The following CEP43 variants were observed in gnomAD, a reference collection of about 807,000 sequenced individuals.
The protein encoded by CEP43 is FGFR1 oncogene partner.
In CEP43, 36 loss-of-function variants were observed where a neutral mutation model predicts 52.6. The ratio of observed to expected loss-of-function variants is 0.68; its 90% confidence interval spans 0.52 to 0.90. CEP43 has a LOEUF of 0.90. Among genes scored for constraint, CEP43 ranks in the 40% least tolerant of loss-of-function variants. The pLI, the probability that CEP43 is intolerant of heterozygous loss-of-function variation, is 0.00. For missense variants in CEP43, 506 were observed against 472.8 expected (o/e 1.07, Z -0.65); for synonymous variants, 192 against 172.4 (o/e 1.11, Z -0.89).
At position 167,003,207 on chromosome 6, in the gene CEP43, A is replaced by G. The variant is rs1779777481; in HGVS notation, c.171A>G (p.Leu57=). ...EQEKVENKTP[L]VNESLKKFLN... The stretch of plus-strand genomic sequence containing the variant: ...TTTTTTAACAGAACAAAACTCCTTT[A>G]GTTAATGAGAGCCTGAAAAAGTTTT... The change falls in exon 3 of 13, where the codon TTA becomes TTG. Residue 57 remains leucine (L), a synonymous_variant. Transcript: ENST00000366847. 2 of 1,470,560 alleles carry G rather than the reference A, an allele frequency of 1.4e-6. No homozygotes were observed. Among genetic ancestry groups the G allele is most frequent in the Admixed American group, 4.1e-5 (2 of 48,260 alleles). 91.1% of individuals were successfully genotyped at this position (1,470,560 alleles called of 1,614,324 possible). A position where few individuals can be genotyped will look rare whatever the true frequency, so the allele number is the denominator to read the frequency against.
Position 167,024,981 on chromosome 6 carries a change from A to G in CEP43, c.919+87A>G, listed in dbSNP as rs1050460937. 5.3e-6 allele frequency: 4 copies of G among 760,862 alleles called. No individual in the cohort carries two copies. The African/African-American group carries it at 7.1e-5, about 13-fold the overall frequency. The allele number at this position is 760,862 out of a possible 1,614,324, so 47.1% of individuals were successfully genotyped here. ...GTGATTATTGTTGATTTTTTTTCCC[A>G]GGAAAATCACTAAAATAACCTATCA... is the stretch of plus-strand genomic sequence containing the variant. On this transcript the variant is annotated intron_variant, in intron 9 of 12. Coordinates refer to ENST00000366847, the MANE Select transcript of CEP43 (RefSeq NM_007045.4).
In CEP43 at chr6:167,040,511, G is replaced by A; in HGVS notation, c.*533G>A. 1 of 1,121,154 alleles carries A rather than the reference G, an allele frequency of 8.9e-7. No individual in the cohort carries two copies. Among genetic ancestry groups the A allele is most frequent in the Non-Finnish European group, 1.1e-6 (1 of 912,684 alleles). The allele number at this position is 1,121,154 out of a possible 1,614,324, so 69.5% of individuals were successfully genotyped here. A position where few individuals can be genotyped will look rare whatever the true frequency, so the allele number is the denominator to read the frequency against. ...AAATTTGATGTGTCAACTTTATTTT[G>A]TATTTCCTTCCATTTGGAAGGTTTG... is the stretch of plus-strand genomic sequence containing the variant. On this transcript the variant is annotated 3_prime_UTR_variant, in exon 13 of 13. Transcript: ENST00000366847.
At chr6:167,037,258 G>T (rs1298180270) in intron 12 of CEP43, among the ~76,000 whole-genome samples, 1 of 152,170 alleles carries the variant, frequency 6.6e-6, no homozygotes, top group African/African-American at 2.4e-5. Flanking sequence ...CTAAATTAAT[G>T]ATCTCCAATA....
rs1310400063 is a variant in CEP43, at chr6:167,004,400, A to G, written c.437A>G (p.Glu146Gly). ...QQKEKGPTTGEGALDLSDVHS... is the reference protein window; with the variant it reads ...QQKEKGPTTGGGALDLSDVHS... ...AAAGAAAAAGGGCCAACCACTGGGG[A>G]AGTAAGTAGAATTCTGTGTTATCTT... Residue 146 changes from glutamate to glycine, a missense_variant and splice_region_variant, in exon 5 of 13, where the codon GAA (glutamate) becomes GGA (glycine). Physicochemically the swap from Glu to Gly is moderately conservative, Grantham distance 98. Coordinates refer to ENST00000366847, the MANE Select transcript of CEP43 (RefSeq NM_007045.4). The G allele has an allele frequency of 1.7e-5, 27 of 1,585,528 alleles. No homozygotes were observed. The highest frequency in any genetic ancestry group is 2.2e-5 in the Non-Finnish European group (26 of 1,169,062).
rs926493339 is a variant in CEP43, at chr6:167,041,911, C to T, written c.*1933C>T. 3 of 645,202 alleles carry T rather than the reference C, an allele frequency of 4.6e-6. No individual in the cohort carries two copies. In the African/African-American group the frequency reaches 5.9e-5, roughly 13 times the overall value. 40.0% of individuals were successfully genotyped at this position (645,202 alleles called of 1,614,324 possible). ...CGATCTCGGCTCACTGCAACCTCCG[C>T]CTCCTGGGTTCAAGCGATTCTCCTG... On this transcript the variant is annotated 3_prime_UTR_variant, in exon 13 of 13. Coordinates refer to ENST00000366847, the MANE Select transcript of CEP43 (RefSeq NM_007045.4).
At chr6:167,001,144 C>T (rs1779725926) in intron 2 of CEP43, among the ~76,000 whole-genome samples, 1 of 152,220 alleles carries the variant, frequency 6.6e-6, no homozygotes, top group Non-Finnish European at 1.5e-5. Context: ...TCCTCCTCTC[C>T]TGTCCCTCAA....
intron 3 of CEP43, 64 bp from the exon 4 acceptor site, chr6:167,003,659 A>AT: frequency 1.0e-6 from 1 of 958,818 alleles, no homozygotes. Context: ...CTATTTCATA[A>AT]TGTTAATTTA....
rs767875750 is a variant in CEP43, at chr6:167,003,783, T to C, written c.272T>C (p.Leu91Ser). The C allele has an allele frequency of 1.2e-6, 2 of 1,611,148 alleles. No individual in the cohort carries two copies. Among genetic ancestry groups the C allele is most frequent in the Non-Finnish European group, 1.7e-6 (2 of 1,177,854 alleles). Residue 91 changes from leucine to serine, a missense_variant, in exon 4 of 13, where the codon TTG becomes TCG. By Grantham distance (145) the Leu-to-Ser change is moderately radical. Transcript: ENST00000366847. The part of the protein sequence containing the change: ...FLQFFNLDFT[L>S]AVFQPETSTL... ...CAGTTTTTTAACCTTGACTTTACTT[T>C]GGCTGTTTTTCAACCTGAAACTAGC...
intron 10 of CEP43, 52 bp downstream of exon 10, chr6:167,026,667 G>A: frequency 8.7e-7 from 1 of 1,151,156 alleles, no homozygotes. Flanking sequence ...ATTATTTTTA[G>A]GGTAAGGCTG....
At chr6:167,028,334 G>T in intron 10 of CEP43, 9 of 985,388 alleles carry the variant, frequency 9.1e-6, no homozygotes, top group Non-Finnish European at 9.6e-6. Flanking sequence ...CTGGGTACAG[G>T]CAGGAGGGTG....
At chr6:167,036,253 C>T (rs545130596) in intron 12 of CEP43, 75 of 985,394 alleles carry the variant, frequency 7.6e-5, no homozygotes, top group Non-Finnish European at 8.7e-5. Context: ...TGAGGAGGAA[C>T]ATGGTAAGCT....
chr6:167,006,557 A>G (rs920528276), intron 5 of CEP43, among the ~76,000 whole-genome samples: 1 of 139,590 alleles, frequency 7.2e-6, no homozygotes, highest in Non-Finnish European at 1.6e-5. Flanking sequence ...CAACAAAAGA[A>G]TGCAAATATA....
chr6:167,027,738 T>C (rs1312708248), intron 10 of CEP43: 5 of 375,538 alleles, frequency 1.3e-5, no homozygotes, highest in Non-Finnish European at 1.8e-5. Context: ...TAATAACATC[T>C]GCCTTGTTTT....
intron 1 of CEP43, 83 bp from the exon 2 acceptor site, chr6:166,999,977 C>T (rs1480646236): frequency 1.6e-6 from 2 of 1,226,932 alleles, no homozygotes; most frequent in East Asian, 2.4e-5. Context: ...TTGGCTTGCT[C>T]GTGTTTGTTG....
Position 167,003,201 on chromosome 6 carries a change from T to A in CEP43, c.165T>A (p.Thr55=). 6.9e-7 allele frequency: 1 copy of A among 1,447,454 alleles called. No homozygotes were observed. The highest frequency in any genetic ancestry group is 9.4e-7 in the Non-Finnish European group (1 of 1,063,020). 89.7% of individuals were successfully genotyped at this position (1,447,454 alleles called of 1,614,324 possible). Residue 55 remains threonine, a synonymous_variant, in exon 3 of 13, where the codon ACT becomes ACA. Coordinates refer to ENST00000366847, the MANE Select transcript of CEP43 (RefSeq NM_007045.4). ...LEEQEKVENK[T]PLVNESLKKF... is the part of the protein sequence containing the mutation. ...TTTTTTTTTTTTAACAGAACAAAAC[T>A]CCTTTAGTTAATGAGAGCCTGAAAA...
At position 167,000,080 on chromosome 6, in the gene CEP43, G is replaced by A. The variant is rs1371641420; in HGVS notation, c.123G>A (p.Val41=). Residue 41 remains valine (V), a synonymous_variant, in exon 2 of 13, where the codon GTG becomes GTA. Transcript: ENST00000366847. ...NRIKAELRAA[V]FLALEEQEKV... is the part of the protein sequence containing the mutation. Reference sequence around the variant, plus strand: ...TTAAGGCTGAACTCCGAGCAGCTGTGTTTTTAGCACTAGAGGAGCAAGAAA... The same window carrying A: ...TTAAGGCTGAACTCCGAGCAGCTGTATTTTTAGCACTAGAGGAGCAAGAAA... The A allele has an allele frequency of 2.5e-6, 4 of 1,612,930 alleles. 1 individual carries two copies. The Admixed American group carries it at 6.7e-5, about 27-fold the overall frequency.
chr6:167,015,450 A>G (rs771053590), intron 7 of CEP43, among the ~76,000 whole-genome samples: 11 of 152,194 alleles, frequency 7.2e-5, no homozygotes, highest in South Asian at 2.1e-4. Context: ...TTCATCATCC[A>G]GATGCTATGT....
chr6:167,033,777 T>G (rs1464847301), intron 11 of CEP43, 98 bp from the exon 12 acceptor site: 3 of 531,204 alleles, frequency 5.6e-6, no homozygotes, highest in Non-Finnish European at 9.8e-6. Flanking sequence ...ATATTTTACT[T>G]AAAGGATTAA....
At chr6:167,021,855 G>A (rs575408705) in intron 7 of CEP43, among the ~76,000 whole-genome samples, 160 of 152,266 alleles carry the variant, frequency 1.1e-3, no homozygotes, top group Admixed American at 2.5e-3. Context: ...TGAAGGCAGC[G>A]CCTTTCACCT....
Sources: allele counts gnomAD v4.1 joint callset (sites outside exome capture counted in the v4.1 genomes callset), GRCh38; gene constraint gnomAD v4.1.1; transcripts MANE v1.5; gene names NCBI Gene and HGNC (gene_info 2026-07-23, HGNC 2026-07-21).